The following AFG2A variants were observed in gnomAD, a reference collection of about 807,000 sequenced individuals.
AFG2A encodes AAA ATPase AFG2A, also known as ATPase family gene 2 protein homolog A.
chr4:122,927,701 T>G, the AFG2A span: 1 of 1,613,340 alleles, frequency 6.2e-7, no homozygotes, highest in Non-Finnish European at 8.5e-7. Context: ...CTATGAAGTC[T>G]GCAAATATAT....
chr4:122,964,920 C>G, the AFG2A span, among the ~76,000 whole-genome samples: 3 of 152,136 alleles, frequency 2.0e-5, 1 homozygote, highest in South Asian at 6.2e-4. Flanking sequence ...AGCACCTTGT[C>G]TATACTTAAT....
At chr4:123,123,713 C>T in the AFG2A span, among the ~76,000 whole-genome samples, 8 of 151,676 alleles carry the variant, frequency 5.3e-5, no homozygotes, top group South Asian at 2.1e-4. Flanking sequence ...TTTGGGAGGC[C>T]GAGACGGGTG....
chr4:123,041,619 C>T, the AFG2A span, among the ~76,000 whole-genome samples: 22 of 152,032 alleles, frequency 1.4e-4, no homozygotes, highest in Admixed American at 1.4e-3. Context: ...GCAACTGCTG[C>T]CTCCCAGGTT....
chr4:122,953,121 C>T, the AFG2A span, among the ~76,000 whole-genome samples: 2 of 152,168 alleles, frequency 1.3e-5, no homozygotes, highest in African/African-American at 4.8e-5. Context: ...AGTGCTACTA[C>T]TTGCTGTGTG....
the AFG2A span, among the ~76,000 whole-genome samples, chr4:123,069,054 G>A: frequency 3.3e-5 from 5 of 152,184 alleles, no homozygotes; most frequent in Admixed American, 3.3e-4. Flanking sequence ...TTTAAAAGTG[G>A]GTTCGACTCA....
At chr4:122,969,290 T>C in the AFG2A span, among the ~76,000 whole-genome samples, 1 of 152,064 alleles carries the variant, frequency 6.6e-6, no homozygotes, top group Admixed American at 6.6e-5. Flanking sequence ...CTATCTTTAA[T>C]TGCTTCACTT....
At chr4:123,111,732 C>A in the AFG2A span, among the ~76,000 whole-genome samples, 130,335 of 149,674 alleles carry the variant, frequency 0.87, 56,801 homozygotes, top group East Asian at 0.97. Context: ...TCTTCTTCTT[C>A]TTATTATTAT....
chr4:123,245,348 C>T, the AFG2A span, among the ~76,000 whole-genome samples: 550 of 152,226 alleles, frequency 3.6e-3, 2 homozygotes, highest in Non-Finnish European at 6.5e-3. Flanking sequence ...TTCTTCACTC[C>T]TATTCTATCT....
the AFG2A span, chr4:123,319,263 G>T: frequency 6.6e-6 from 1 of 152,176 alleles, no homozygotes; most frequent in Non-Finnish European, 1.5e-5. Context: ...TTGCTGTAAA[G>T]ATAGAATAAA....
At chr4:122,980,477 G>C in the AFG2A span, among the ~76,000 whole-genome samples, 1 of 152,158 alleles carries the variant, frequency 6.6e-6, no homozygotes, top group African/African-American at 2.4e-5. Context: ...TGAGAGTGCA[G>C]ATATCGCTTT....
chr4:123,258,996 C>T, the AFG2A span, among the ~76,000 whole-genome samples: 1 of 150,970 alleles, frequency 6.6e-6, no homozygotes, highest in Non-Finnish European at 1.5e-5. Context: ...CCTCCCAAGT[C>T]GCTGGGATTA....
the AFG2A span, among the ~76,000 whole-genome samples, chr4:123,005,581 G>A: frequency 1.3e-5 from 2 of 152,206 alleles, no homozygotes; most frequent in South Asian, 4.1e-4. Context: ...GGGATGTGTG[G>A]TTACTGATTT....
At chr4:122,927,164 C>G in the AFG2A span, among the ~76,000 whole-genome samples, 2 of 152,114 alleles carry the variant, frequency 1.3e-5, no homozygotes, top group Non-Finnish European at 2.9e-5. Flanking sequence ...TTCTGTTACT[C>G]TCTTTACGTA....
the AFG2A span, among the ~76,000 whole-genome samples, chr4:123,202,302 A>C: frequency 2.6e-5 from 4 of 152,066 alleles, no homozygotes; most frequent in African/African-American, 7.2e-5. Flanking sequence ...TATACTACTA[A>C]TATGTGCATA....
the AFG2A span, among the ~76,000 whole-genome samples, chr4:123,194,095 A>G: frequency 6.6e-6 from 1 of 152,206 alleles, no homozygotes; most frequent in Non-Finnish European, 1.5e-5. Context: ...AATTCTCTGT[A>G]CTTATTGAAT....
the AFG2A span, among the ~76,000 whole-genome samples, chr4:123,258,193 A>AG: frequency 3.3e-5 from 5 of 152,172 alleles, no homozygotes; most frequent in Non-Finnish European, 7.4e-5. Context: ...GCTACATCTT[A>AG]GTAGTTCTGT....
At chr4:123,250,951 G>T in the AFG2A span, among the ~76,000 whole-genome samples, 1 of 152,160 alleles carries the variant, frequency 6.6e-6, no homozygotes, top group Admixed American at 6.5e-5. Context: ...CAGGAAGGAA[G>T]GCTCTTTCCT....
the AFG2A span, among the ~76,000 whole-genome samples, chr4:123,094,550 G>C: frequency 1.3e-5 from 2 of 152,010 alleles, no homozygotes; most frequent in Non-Finnish European, 2.9e-5. Context: ...GCTATACTGG[G>C]GGAAAAGTGT....
the AFG2A span, among the ~76,000 whole-genome samples, chr4:123,090,241 A>G: frequency 6.6e-6 from 1 of 152,254 alleles, no homozygotes; most frequent in Non-Finnish European, 1.5e-5. Context: ...TTTACCATGT[A>G]GAATATAAAC....
Sources: gnomAD v4.1 joint callset for allele counts (sites outside exome capture counted in the v4.1 genomes callset) on GRCh38, gnomAD v4.1.1 for gene constraint, MANE v1.5 for transcripts, NCBI Gene and HGNC (gene_info 2026-07-23, HGNC 2026-07-21) for gene names.